The following TTC34 variants were observed in gnomAD, a reference collection of about 807,000 sequenced individuals.
The protein encoded by TTC34 is tetratricopeptide repeat domain 34.
In TTC34, 44 loss-of-function variants were observed where a neutral mutation model predicts 40.7. The ratio of observed to expected loss-of-function variants is 1.08; its 90% CI spans 0.85 to 1.39. TTC34 has a LOEUF of 1.39. Ranked by LOEUF, TTC34 falls within the 40% of genes most tolerant of loss-of-function variation. The pLI is 0.00. For synonymous variants in TTC34, 422 were observed against 398.6 expected (o/e 1.06, Z -0.70); for missense variants, 884 against 838.0 (o/e 1.05, Z -0.68).
At chr1:2,688,155 AGGGCACCCACACCCCCAGG>A (rs1640453636) in intron 6 of TTC34, among the ~76,000 whole-genome samples, 2 of 141,948 alleles carry the variant, frequency 1.4e-5, no homozygotes, top group Admixed American at 6.9e-5. Context: ...ACGGCCTGGA[AGGGCACCCACACCCCCAGG>A]CGAGCATCGG....
intron 6 of TTC34, among the ~76,000 whole-genome samples, chr1:2,691,007 A>C (rs1640593810): frequency 2.4e-5 from 2 of 82,164 alleles, no homozygotes; most frequent in South Asian, 3.6e-4. Context: ...GGCAGCCTGG[A>C]GCGGAACCCA....
At chr1:2,769,785 C>A in intron 6 of TTC34, among the ~76,000 whole-genome samples, 1 of 132,336 alleles carries the variant, frequency 7.6e-6, no homozygotes, top group Non-Finnish European at 1.6e-5. Flanking sequence ...TGGAGCAGCG[C>A]CCACACCCCC....
rs548037125 is a variant in TTC34, at chr1:2,695,630, C to T, written c.2227-50067G>A. Among the ~76,000 whole-genome samples the T allele has an allele frequency of 2.3e-4, 29 of 126,876 alleles. 2 individuals carry two copies. Among genetic ancestry groups the T allele is most frequent in the Non-Finnish European group, 4.2e-4 (24 of 56,594 alleles). The allele number at this position is 126,876 out of a possible 152,430, so 83.2% of individuals were successfully genotyped here. A position where few individuals can be genotyped will look rare whatever the true frequency, so the allele number is the denominator to read the frequency against. On this transcript the variant is annotated intron_variant, in intron 6 of 8. Transcript: ENST00000401095. ...AGCATCTGACAGCCTGAAGCAGCAC[C>T]CACACCAACAGGTGAGCATCTGACC... is the stretch of plus-strand genomic sequence containing the variant.
chr1:2,799,678 C>T (rs1331521853), intron 2 of TTC34, among the ~76,000 whole-genome samples: 2 of 152,156 alleles, frequency 1.3e-5, no homozygotes, highest in Non-Finnish European at 2.9e-5. Context: ...TTCGTTTTCC[C>T]CTTCCCTCCG....
Position 2,787,430 on chromosome 1 carries a change from C to T in TTC34, c.1854+51G>A, listed in dbSNP as rs989627422. 9.8e-6 allele frequency: 14 copies of T among 1,430,932 alleles called. No individual in the cohort carries two copies. In the African/African-American group the frequency reaches 1.7e-4, roughly 18 times the overall value. 88.6% of individuals were successfully genotyped at this position (1,430,932 alleles called of 1,614,324 possible). On this transcript the variant is annotated intron_variant, in intron 4 of 8. Coordinates refer to ENST00000401095, the Ensembl canonical transcript of TTC34. ...GCCACGGGAGGCCTGTGCCCTCTTC[C>T]CAGCTGGGCCCATTTCCACCTGCCC...
In TTC34 at chr1:2,783,608, C is replaced by T. The variant is rs1038008502; in HGVS notation, c.2226+1G>A. 13 of 1,417,288 alleles carry T rather than the reference C, an allele frequency of 9.2e-6. No individual in the cohort carries two copies. The highest frequency in any genetic ancestry group is 1.8e-4 in the Middle Eastern group (1 of 5,448). 87.8% of individuals were successfully genotyped at this position (1,417,288 alleles called of 1,614,324 possible). A position where few individuals can be genotyped will look rare whatever the true frequency, so the allele number is the denominator to read the frequency against. Reference sequence around the variant, plus strand: ...GGCCCAGGTCAGGAGTGGGGCGGCACCTGCAGCTGGTCTAGGGCCAGGTGC... The same window carrying T: ...GGCCCAGGTCAGGAGTGGGGCGGCATCTGCAGCTGGTCTAGGGCCAGGTGC... On this transcript the variant is annotated splice_donor_variant, in intron 6 of 8. Transcript: ENST00000401095. LOFTEE classifies it high-confidence loss of function.
chr1:2,683,254 T>C (rs1452263961), intron 6 of TTC34, among the ~76,000 whole-genome samples: 6 of 142,228 alleles, frequency 4.2e-5, no homozygotes, highest in Admixed American at 7.1e-5. Flanking sequence ...TCTGATGGTT[T>C]GCAGCAGCAC....
chr1:2,784,555 C>G (rs531100824), intron 5 of TTC34, among the ~76,000 whole-genome samples: 1 of 152,266 alleles, frequency 6.6e-6, no homozygotes, highest in African/African-American at 2.4e-5. Flanking sequence ...TGGGTGCCTT[C>G]CCAGACACTG....
intron 6 of TTC34, among the ~76,000 whole-genome samples, chr1:2,697,064 A>C (rs983462866): frequency 8.1e-3 from 195 of 24,184 alleles, no homozygotes; most frequent in Non-Finnish European, 9.5e-3. Flanking sequence ...ATCTGACAGC[A>C]TGTAACAGCA....
intron 6 of TTC34, among the ~76,000 whole-genome samples, chr1:2,754,818 C>T (rs1418405439): frequency 2.5e-4 from 23 of 90,920 alleles, no homozygotes; most frequent in Admixed American, 1.8e-3. Context: ...AGAAACCACA[C>T]CCCCAGGTGA....
chr1:2,756,632 G>C (rs1641514791), intron 6 of TTC34, among the ~76,000 whole-genome samples: 305 of 147,526 alleles, frequency 2.1e-3, no homozygotes, highest in Middle Eastern at 0.01. Context: ...CACACCCCCA[G>C]GTGAGCATCT....
chr1:2,768,732 CAA>C (rs1641887292), intron 6 of TTC34, among the ~76,000 whole-genome samples: 1 of 141,444 alleles, frequency 7.1e-6, no homozygotes, highest in African/African-American at 2.7e-5. Context: ...CCTGGAAAAA[CAA>C]CCCCCTTCAG....
At chr1:2,683,602 A>T (rs1330017961) in intron 6 of TTC34, among the ~76,000 whole-genome samples, 9 of 142,548 alleles carry the variant, frequency 6.3e-5, no homozygotes, top group Admixed American at 1.4e-4. Context: ...CACTCAGGCG[A>T]GCATCTGACA....
exon 3 of TTC34, chr1:2,790,279 C>T: frequency 2.5e-6 from 1 of 398,500 alleles, no homozygotes; most frequent in Non-Finnish European, 4.4e-6. Context: ...AAAACACGTC[C>T]TGGGCCCGGC....
At chr1:2,691,512 A>G (rs545470365) in intron 6 of TTC34, among the ~76,000 whole-genome samples, 1 of 107,784 alleles carries the variant, frequency 9.3e-6, no homozygotes, top group Non-Finnish European at 2.0e-5. Flanking sequence ...ACCACAGGTG[A>G]GCATCGGAGA....
At chr1:2,699,472 C>T (rs1299067651) in intron 6 of TTC34, among the ~76,000 whole-genome samples, 1 of 113,148 alleles carries the variant, frequency 8.8e-6, no homozygotes, top group Non-Finnish European at 2.0e-5. Context: ...GAGCATCTGA[C>T]AGCCTGGAGC....
chr1:2,692,551 G>GTA (rs1640672347), intron 6 of TTC34, among the ~76,000 whole-genome samples: 1 of 144,688 alleles, frequency 6.9e-6, no homozygotes, highest in Non-Finnish European at 1.5e-5. Context: ...ACACCCCCAG[G>GTA]CGAGCATCGG....
chr1:2,751,892 C>G (rs1245143636), intron 6 of TTC34, among the ~76,000 whole-genome samples: 5 of 102,740 alleles, frequency 4.9e-5, no homozygotes, highest in African/African-American at 8.7e-5. Context: ...ACCCACACCC[C>G]CAGGTGAGCA....
chr1:2,685,245 T>C (rs1333214456), intron 6 of TTC34, among the ~76,000 whole-genome samples: 27 of 63,706 alleles, frequency 4.2e-4, no homozygotes, highest in East Asian at 7.6e-4. Context: ...ACACCCCAGG[T>C]GAGCATCTGA....
Sources: allele counts gnomAD v4.1 joint callset (sites outside exome capture counted in the v4.1 genomes callset), GRCh38; gene constraint gnomAD v4.1.1; transcripts MANE v1.5; gene names NCBI Gene and HGNC (gene_info 2026-07-23, HGNC 2026-07-21).